Variants in DSCAML1 observed in about 807,000 individuals in gnomAD.
The protein encoded by DSCAML1 is cell adhesion molecule DSCAML1.
Under a neutral mutation model 200.5 loss-of-function variants are expected in DSCAML1, and 38 were observed. The ratio of observed to expected loss-of-function variants is 0.19; its 90% confidence interval spans 0.15 to 0.25. DSCAML1 has a LOEUF of 0.25. Among genes scored for constraint, DSCAML1 ranks in the 10% least tolerant of loss-of-function variants. The probability of loss-of-function intolerance (pLI) is 1.00; values close to 1 mark genes in which losing one functional copy is unlikely to be tolerated. For missense variants in DSCAML1, 2,223 were observed against 2,858.8 expected (o/e 0.78, Z 5.07); for synonymous variants, 1,215 against 1,165.0 (o/e 1.04, Z -0.87).
At chr11:117,788,582 C>T (rs2055405478) in intron 1 of DSCAML1, among the ~76,000 whole-genome samples, 1 of 152,220 alleles carries the variant, frequency 6.6e-6, no homozygotes, top group Admixed American at 6.5e-5. Flanking sequence ...CTGCCTCGGC[C>T]TCCCAAACTG....
At chr11:117,563,141 C>T (rs1334475042) in intron 3 of DSCAML1, among the ~76,000 whole-genome samples, 1 of 152,200 alleles carries the variant, frequency 6.6e-6, no homozygotes, top group Non-Finnish European at 1.5e-5. Context: ...CACCCAATAG[C>T]TGGTCCTGGA....
intron 3 of DSCAML1, among the ~76,000 whole-genome samples, chr11:117,559,644 A>C (rs1303863105): frequency 1.3e-5 from 2 of 152,088 alleles, no homozygotes; most frequent in African/African-American, 4.8e-5. Flanking sequence ...TGCAAATCTC[A>C]GCATCAGTGT....
intron 3 of DSCAML1, among the ~76,000 whole-genome samples, chr11:117,644,879 C>T (rs985967001): frequency 3.3e-5 from 5 of 152,234 alleles, no homozygotes; most frequent in African/African-American, 7.2e-5. Flanking sequence ...GCCGGGGCAG[C>T]GTCCTCTGCA....
chr11:117,617,705 C>T, intron 3 of DSCAML1, among the ~76,000 whole-genome samples: 1 of 151,746 alleles, frequency 6.6e-6, no homozygotes, highest in Non-Finnish European at 1.5e-5. Flanking sequence ...CACACACACA[C>T]ACACACACAC....
At chr11:117,809,510 G>A (rs1168997973) in intron 1 of DSCAML1, among the ~76,000 whole-genome samples, 1 of 152,216 alleles carries the variant, frequency 6.6e-6, no homozygotes, top group Non-Finnish European at 1.5e-5. Context: ...CAGGATGGTG[G>A]CGCCGCAGGC....
intron 3 of DSCAML1, among the ~76,000 whole-genome samples, chr11:117,593,444 G>A (rs764932276): frequency 2.0e-4 from 30 of 152,220 alleles, no homozygotes; most frequent in Non-Finnish European, 4.1e-4. Context: ...CAAATGAAAT[G>A]TGAGAACCAA....
intron 19 of DSCAML1, among the ~76,000 whole-genome samples, chr11:117,455,295 C>G (rs2048350730): frequency 6.6e-6 from 1 of 152,220 alleles, no homozygotes; most frequent in Non-Finnish European, 1.5e-5. Context: ...ACATAACTTC[C>G]TCGTCTCTGC....
intron 3 of DSCAML1, among the ~76,000 whole-genome samples, chr11:117,562,660 G>GTGAA (rs1050268309): frequency 6.6e-6 from 1 of 152,226 alleles, no homozygotes; most frequent in Non-Finnish European, 1.5e-5. Flanking sequence ...TAGGCACCTT[G>GTGAA]TGAATGAATG....
chr11:117,610,423 A>C (rs1233150706), intron 3 of DSCAML1, among the ~76,000 whole-genome samples: 2 of 152,178 alleles, frequency 1.3e-5, no homozygotes, highest in African/African-American at 4.8e-5. Flanking sequence ...CTGACAAATG[A>C]GTTGCTAAGT....
intron 15 of DSCAML1, 133 bp downstream of exon 15, chr11:117,471,736 A>G: frequency 9.4e-7 from 1 of 1,064,338 alleles, no homozygotes; most frequent in South Asian, 1.7e-5. Context: ...GGACACAAAC[A>G]TCTGTTAGGA....
At chr11:117,705,389 C>G (rs966725320) in intron 3 of DSCAML1, among the ~76,000 whole-genome samples, 1 of 152,090 alleles carries the variant, frequency 6.6e-6, no homozygotes, top group African/African-American at 2.4e-5. Flanking sequence ...TTTTGTGAAG[C>G]AAGGTACTTT....
chr11:117,571,680 A>T (rs563645547), intron 3 of DSCAML1, among the ~76,000 whole-genome samples: 7 of 151,694 alleles, frequency 4.6e-5, no homozygotes, highest in African/African-American at 1.7e-4. Flanking sequence ...CCCCACCTAC[A>T]GGTGTTCTCC....
chr11:117,538,348 T>C (rs945830232), intron 3 of DSCAML1, among the ~76,000 whole-genome samples: 1 of 152,210 alleles, frequency 6.6e-6, no homozygotes, highest in African/African-American at 2.4e-5. Context: ...TTAAATTAAA[T>C]ACTGAGTATG....
chr11:117,438,819 C>A, intron 24 of DSCAML1, 66 bp downstream of exon 24: 1 of 1,351,310 alleles, frequency 7.4e-7, no homozygotes, highest in South Asian at 1.6e-5. Flanking sequence ...GTGGGTGAAG[C>A]CCCTTCCCTG....
intron 3 of DSCAML1, among the ~76,000 whole-genome samples, chr11:117,692,730 C>T (rs879420228): frequency 1.3e-5 from 2 of 152,200 alleles, no homozygotes; most frequent in African/African-American, 4.8e-5. Flanking sequence ...AGGCCCTGCT[C>T]GCACACCTTT....
intron 3 of DSCAML1, among the ~76,000 whole-genome samples, chr11:117,737,937 G>GAAAGGTTT (rs2054350026): frequency 6.6e-6 from 1 of 152,180 alleles, no homozygotes; most frequent in Non-Finnish European, 1.5e-5. Context: ...GAGGAGTCAT[G>GAAAGGTTT]AAAGGTTTAA....
chr11:117,627,181 A>G (rs1250591568), intron 3 of DSCAML1, among the ~76,000 whole-genome samples: 1 of 152,204 alleles, frequency 6.6e-6, no homozygotes, highest in Non-Finnish European at 1.5e-5. Flanking sequence ...TGCGGATGTG[A>G]CCGTGCTTAT....
intron 3 of DSCAML1, among the ~76,000 whole-genome samples, chr11:117,740,001 C>T (rs997693183): frequency 6.6e-6 from 1 of 152,126 alleles, no homozygotes; most frequent in Admixed American, 6.5e-5. Context: ...GGGGCTGTGA[C>T]GTGTGCAAGT....
chr11:117,683,584 G>C (rs568453961), intron 3 of DSCAML1, among the ~76,000 whole-genome samples: 4 of 152,178 alleles, frequency 2.6e-5, no homozygotes, highest in Non-Finnish European at 2.9e-5. Context: ...CACAGCTGGT[G>C]GATAAAAGAG....
Sources: gnomAD v4.1 joint callset for allele counts (sites outside exome capture counted in the v4.1 genomes callset) on GRCh38, gnomAD v4.1.1 for gene constraint, MANE v1.5 for transcripts, NCBI Gene and HGNC (gene_info 2026-07-23, HGNC 2026-07-21) for gene names.